RYR3: variants seen among roughly 807,000 people sequenced by gnomAD.
RYR3 encodes brain ryanodine receptor-calcium release channel.
A neutral mutation model predicts 584.3 loss-of-function variants in RYR3; 207 were observed. The observed-to-expected ratio is 0.35, with a 90% confidence interval of 0.32 to 0.40. RYR3 has a LOEUF of 0.40. Ranked by LOEUF, RYR3 falls within the 10% of genes least tolerant of loss-of-function variation. The pLI is 1.00. For synonymous variants in RYR3, 2,416 were observed against 2,248.5 expected (o/e 1.07, Z -2.11); for missense variants, 5,616 against 6,089.2 (o/e 0.92, Z 2.59).
intron 38 of RYR3, among the ~76,000 whole-genome samples, chr15:33,672,463 A>G (rs1026972485): frequency 1.3e-5 from 2 of 152,184 alleles, no homozygotes; most frequent in African/African-American, 4.8e-5. Context: ...TAAGTACTCT[A>G]TCTTGGGATC....
chr15:33,662,753 T>C lies in RYR3; in HGVS notation c.5223T>C (p.Asp1741=), dbSNP rs902077377. The change falls in exon 35 of 104, where the codon GAT becomes GAC. Residue 1741 remains aspartate, a synonymous_variant. Transcript: ENST00000634891. ...TLLVMGVFDD[D]DVRQILLLID... Reference sequence around the variant, plus strand: ...TGGTCATGGGCGTGTTTGATGATGATGATGTTCGGCAGATCCTCCTCCTGA... The same window carrying C: ...TGGTCATGGGCGTGTTTGATGATGACGATGTTCGGCAGATCCTCCTCCTGA... 1 of 1,614,136 alleles carries C rather than the reference T, an allele frequency of 6.2e-7. No individual in the cohort carries two copies. Among genetic ancestry groups the C allele is most frequent in the South Asian group, 1.1e-5 (1 of 91,074 alleles).
intron 38 of RYR3, among the ~76,000 whole-genome samples, chr15:33,693,387 TGGCCTCCTGG>T (rs907795984): frequency 3.9e-5 from 6 of 152,234 alleles, no homozygotes; most frequent in Non-Finnish European, 5.9e-5. Context: ...CATGGCAGCC[TGGCCTCCTGG>T]GGCCTCCTAG....
At chr15:33,841,708 G>A (rs1227179650) in intron 90 of RYR3, 156 bp from the exon 91 acceptor site, 3 of 641,860 alleles carry the variant, frequency 4.7e-6, no homozygotes, top group Non-Finnish European at 7.9e-6. Context: ...TTAATGTCCA[G>A]CCACTGTGGA....
intron 6 of RYR3, 87 bp from the exon 7 acceptor site, chr15:33,540,704 A>T: frequency 4.9e-6 from 4 of 811,144 alleles, no homozygotes; most frequent in Non-Finnish European, 8.5e-6. Context: ...AGGCTGTTTA[A>T]TTTAATCCTT....
rs189111529 is a variant in RYR3 at position 33,752,576 on chromosome 15, A to G, written c.8399+2290A>G. ...GAATGCTTGTGATTTTTGCACATTG[A>G]TTTTGTATCCTGAGACTTTGCTGAA... On this transcript the variant is annotated intron_variant, in intron 57 of 103. Transcript: ENST00000634891. Among the ~76,000 whole-genome samples, 259 of 152,258 alleles carry G rather than the reference A, an allele frequency of 1.7e-3. 2 individuals are homozygous for G. The highest frequency in any genetic ancestry group is 0.014 in the Middle Eastern group (4 of 294).
At chr15:33,785,497 G>A (rs1017905156) in intron 65 of RYR3, among the ~76,000 whole-genome samples, 165 bp from the exon 66 acceptor site, 1 of 152,138 alleles carries the variant, frequency 6.6e-6, no homozygotes, top group Admixed American at 6.6e-5. Context: ...GCTGCACTCT[G>A]TTCACAGACA....
rs2077107973 is a variant in RYR3 at position 33,821,553 on chromosome 15, T to A, written c.10946T>A (p.Leu3649Gln). ...GEMSPMVVETLKLGIAILNGG... is the reference protein window; with the variant it reads ...GEMSPMVVETQKLGIAILNGG... ...ATGAGCCCCATGGTGGTTGAGACGC[T>A]GAAGCTGGGGATCGCCATTCTGAAC... The change falls in exon 80 of 104, where the codon CTG becomes CAG. Residue 3649 changes from leucine (L) to glutamine (Q), a missense_variant. Coordinates refer to ENST00000634891, the MANE Select transcript of RYR3 (RefSeq NM_001036.6). The A allele has an allele frequency of 1.2e-6, 2 of 1,614,042 alleles. No homozygotes were observed. Among genetic ancestry groups the A allele is most frequent in the Non-Finnish European group, 1.7e-6 (2 of 1,179,900 alleles).
chr15:33,843,434 A>C, intron 91 of RYR3, 54 bp from the exon 92 acceptor site: 5 of 1,227,288 alleles, frequency 4.1e-6, no homozygotes, highest in Non-Finnish European at 5.9e-6. Context: ...GAAAGTAGGA[A>C]GTTCTCTTTT....
chr15:33,754,472 G>A (rs2071618993), intron 57 of RYR3, among the ~76,000 whole-genome samples: 4 of 151,982 alleles, frequency 2.6e-5, no homozygotes, highest in South Asian at 2.1e-4. Context: ...CTGTCTCTTC[G>A]CCCCACCTTA....
intron 8 of RYR3, among the ~76,000 whole-genome samples, chr15:33,545,735 A>T (rs1025581): frequency 0.015 from 2,310 of 151,996 alleles, 66 homozygotes; most frequent in African/African-American, 0.052. Flanking sequence ...GGCCAGGAGC[A>T]CCAAAATCTG....
At chr15:33,785,175 C>A (rs2074628521) in intron 65 of RYR3, among the ~76,000 whole-genome samples, 1 of 152,158 alleles carries the variant, frequency 6.6e-6, no homozygotes, top group African/African-American at 2.4e-5. Flanking sequence ...AGCTGAAGGA[C>A]TATTAGATGA....
chr15:33,807,575 G>A lies in RYR3; in HGVS notation c.10026+6G>A, dbSNP rs1214274257. On this transcript the variant is annotated splice_donor_region_variant and intron_variant, in intron 70 of 103. Coordinates refer to ENST00000634891, the MANE Select transcript of RYR3 (RefSeq NM_001036.6). ...CACAGGCCATGCAAGTAAAGGTACA[G>A]GTCAAATGCATGACGTGTCTTTTCT... The A allele has an allele frequency of 6.4e-7, 1 of 1,551,616 alleles. No individual in the cohort carries two copies. Among genetic ancestry groups the A allele is most frequent in the Admixed American group, 2.0e-5 (1 of 51,022 alleles).
chr15:33,627,105 G>A (rs369621858), intron 20 of RYR3, among the ~76,000 whole-genome samples: 98 of 152,194 alleles, frequency 6.4e-4, no homozygotes, highest in African/African-American at 2.3e-3. Context: ...ATAGACACTC[G>A]AGCATGCAGG....
chr15:33,720,655 G>A (rs12232310), intron 43 of RYR3, among the ~76,000 whole-genome samples: 48,407 of 152,026 alleles, frequency 0.32, 8,537 homozygotes, highest in East Asian at 0.67. Context: ...CTTGAGTCCG[G>A]GAGTTTGAGG....
chr15:33,723,983 T>C (rs2152809767), intron 44 of RYR3, 82 bp from the exon 45 acceptor site: 1 of 714,496 alleles, frequency 1.4e-6, no homozygotes, highest in Non-Finnish European at 2.5e-6. Context: ...AGCAGAGTGC[T>C]TCCATATCAA....
intron 53 of RYR3, among the ~76,000 whole-genome samples, chr15:33,746,797 TTTC>T (rs1344541139): frequency 8.3e-6 from 1 of 121,160 alleles, no homozygotes; most frequent in Non-Finnish European, 1.9e-5. Context: ...AATTTCTTTC[TTTC>T]TTCTTTTTTT....
chr15:33,574,116 C>T (rs2058173589), intron 12 of RYR3, among the ~76,000 whole-genome samples: 1 of 152,110 alleles, frequency 6.6e-6, no homozygotes, highest in African/African-American at 2.4e-5. Flanking sequence ...CCAAATATCA[C>T]ACTGATAATG....
chr15:33,375,669 A>C (rs1278906688), intron 1 of RYR3, among the ~76,000 whole-genome samples: 1 of 152,178 alleles, frequency 6.6e-6, no homozygotes, highest in African/African-American at 2.4e-5. Flanking sequence ...TTTCTTATTG[A>C]AGTATAATTT....
Position 33,443,352 on chromosome 15 carries a change from A to G in RYR3, c.52-30067A>G, listed in dbSNP as rs1468146668. The stretch of plus-strand genomic sequence containing the variant: ...AAACCCTGGAAGTCAGAAAAATTGA[A>G]AGATCAGTGTGCCCTGGAACTGTTA... On this transcript the variant is annotated intron_variant, in intron 1 of 103. Transcript: ENST00000634891. Among the ~76,000 whole-genome samples the G allele has an allele frequency of 2.6e-5, 4 of 152,300 alleles. No individual in the cohort carries two copies. The East Asian group carries it at 7.7e-4, about 29-fold the overall frequency.
Sources: allele counts gnomAD v4.1 joint callset (sites outside exome capture counted in the v4.1 genomes callset), GRCh38; gene constraint gnomAD v4.1.1; transcripts MANE v1.5; gene names NCBI Gene and HGNC (gene_info 2026-07-23, HGNC 2026-07-21).